The following GALNT17 variants were observed in gnomAD, a reference collection of about 807,000 sequenced individuals.
GALNT17 encodes UDP-GalNAc:polypeptide N-acetylgalactosaminyltransferase-like 3.
A neutral mutation model predicts 63.7 loss-of-function variants in GALNT17; 29 were observed. The ratio of observed to expected loss-of-function variants is 0.46; its 90% CI spans 0.34 to 0.62. GALNT17 has a LOEUF of 0.62. GALNT17 is among the 20% of genes least tolerant of loss of function. The pLI is 0.01. For synonymous variants in GALNT17, 305 were observed against 318.3 expected, an observed-to-expected ratio of 0.96 and a Z score of 0.45; for missense variants, 603 against 799.6, an observed-to-expected ratio of 0.75 and a Z score of 2.97.
intron 5 of GALNT17, among the ~76,000 whole-genome samples, chr7:71,523,305 T>G (rs62459904): frequency 2.0e-5 from 3 of 151,982 alleles, no homozygotes; most frequent in South Asian, 2.1e-4. Context: ...GGCGCACGCC[T>G]GTGGCCCCAG....
chr7:71,153,127 TAGAC>T (rs1788163756), intron 1 of GALNT17, among the ~76,000 whole-genome samples: 5 of 148,646 alleles, frequency 3.4e-5, no homozygotes, highest in African/African-American at 1.3e-4. Context: ...GCTTTGGAGT[TAGAC>T]AGAAGGAATC....
chr7:71,225,928 CAGTA>C (rs1422717043), intron 1 of GALNT17, among the ~76,000 whole-genome samples: 1 of 152,032 alleles, frequency 6.6e-6, no homozygotes, highest in Non-Finnish European at 1.5e-5. Context: ...AGTTATATCA[CAGTA>C]AGTAAAGTAT....
chr7:71,701,857 A>ATATATATGTG (rs1480556093), intron 9 of GALNT17, among the ~76,000 whole-genome samples: 2 of 17,562 alleles, frequency 1.1e-4, no homozygotes, highest in Non-Finnish European at 3.0e-4. Context: ...ATATATATAC[A>ATATATATGTG]CATATATATA....
chr7:71,352,682 G>C (rs1355557478), intron 2 of GALNT17, among the ~76,000 whole-genome samples: 1 of 152,206 alleles, frequency 6.6e-6, no homozygotes, highest in African/African-American at 2.4e-5. Flanking sequence ...TCAAAGCTGA[G>C]ATCACTAAGG....
rs190420033 is a variant in GALNT17, at chr7:71,176,895, A to C, written c.238+43855A>C. 5.3e-5 allele frequency among the ~76,000 whole-genome samples: 8 copies of C among 152,318 alleles called. No homozygotes were observed. The East Asian group carries it at 1.5e-3, about 29-fold the overall frequency. ...CACTTACGGTATGCTGGAACCTAAAAGAATTTGAATGTGCATTAAATGCCA... is the reference window on the plus strand; with the variant it reads ...CACTTACGGTATGCTGGAACCTAAACGAATTTGAATGTGCATTAAATGCCA... On this transcript the variant is annotated intron_variant, in intron 1 of 10. Coordinates refer to ENST00000333538, the MANE Select transcript of GALNT17 (RefSeq NM_022479.3).
chr7:71,388,516 G>T, intron 3 of GALNT17, 115 bp downstream of exon 3: 1 of 1,286,680 alleles, frequency 7.8e-7, no homozygotes. Flanking sequence ...CATATCTGGG[G>T]AAGGGATATT....
intron 1 of GALNT17, among the ~76,000 whole-genome samples, chr7:71,283,578 T>C (rs1163379671): frequency 6.6e-6 from 1 of 152,200 alleles, no homozygotes; most frequent in African/African-American, 2.4e-5. Context: ...TTCCAGATGA[T>C]ATGGTTTGGC....
chr7:71,648,451 A>G (rs1448063506), intron 6 of GALNT17, among the ~76,000 whole-genome samples: 1 of 151,780 alleles, frequency 6.6e-6, no homozygotes, highest in African/African-American at 2.4e-5. Context: ...TTTTAAAAAG[A>G]TTTTTGTAGA....
chr7:71,453,170 G>C (rs1440113235), intron 5 of GALNT17, among the ~76,000 whole-genome samples: 1 of 152,140 alleles, frequency 6.6e-6, no homozygotes, highest in Non-Finnish European at 1.5e-5. Flanking sequence ...GTTGCGAGTG[G>C]CTGCCTGGGT....
intron 5 of GALNT17, among the ~76,000 whole-genome samples, chr7:71,508,633 A>C (rs1788303965): frequency 6.6e-6 from 1 of 152,092 alleles, no homozygotes; most frequent in Non-Finnish European, 1.5e-5. Context: ...AGATGATTGC[A>C]GGTCCTCGCC....
At chr7:71,461,059 A>C (rs1787443197) in intron 5 of GALNT17, among the ~76,000 whole-genome samples, 2 of 152,176 alleles carry the variant, frequency 1.3e-5, no homozygotes, top group Non-Finnish European at 2.9e-5. Context: ...TTCAAGATGG[A>C]GCCGCTCTAG....
chr7:71,219,305 G>A (rs7788558), intron 1 of GALNT17, among the ~76,000 whole-genome samples: 83,032 of 151,824 alleles, frequency 0.55, 23,900 homozygotes, highest in African/African-American at 0.72. Flanking sequence ...CCAAGAACCA[G>A]CCTCATTCTA....
At chr7:71,336,384 C>T (rs1055654542) in intron 2 of GALNT17, among the ~76,000 whole-genome samples, 3 of 152,080 alleles carry the variant, frequency 2.0e-5, no homozygotes, top group African/African-American at 7.2e-5. Context: ...TTCAGGGGAA[C>T]ATGTGTAGGT....
chr7:71,564,787 G>A (rs530373868), intron 5 of GALNT17, among the ~76,000 whole-genome samples: 6 of 152,276 alleles, frequency 3.9e-5, no homozygotes, highest in Non-Finnish European at 8.8e-5. Flanking sequence ...TTTGAAGGAA[G>A]ACATACCAAA....
At chr7:71,657,826 G>A (rs1158430515) in intron 6 of GALNT17, among the ~76,000 whole-genome samples, 1 of 152,036 alleles carries the variant, frequency 6.6e-6, no homozygotes, top group Non-Finnish European at 1.5e-5. Flanking sequence ...TGGGATCCAG[G>A]TGTTTGCAAT....
intron 1 of GALNT17, among the ~76,000 whole-genome samples, chr7:71,151,638 A>G (rs547636327): frequency 5.3e-5 from 8 of 151,688 alleles, no homozygotes; most frequent in Middle Eastern, 3.4e-3. Context: ...GAAAAGAAAA[A>G]AAAAAAAAAG....
At chr7:71,217,150 T>G (rs1333357650) in intron 1 of GALNT17, among the ~76,000 whole-genome samples, 23 of 149,234 alleles carry the variant, frequency 1.5e-4, no homozygotes, top group East Asian at 7.8e-4. Context: ...GTTTTGTTTT[T>G]TTTTTTTTTT....
intron 4 of GALNT17, among the ~76,000 whole-genome samples, chr7:71,417,113 T>A (rs1332615225): frequency 6.6e-6 from 1 of 152,100 alleles, no homozygotes. Flanking sequence ...AGAAGCAGAG[T>A]CTTGTATTTC....
chr7:71,629,231 G>A (rs894077693), intron 6 of GALNT17, among the ~76,000 whole-genome samples: 4 of 152,102 alleles, frequency 2.6e-5, no homozygotes, highest in African/African-American at 9.7e-5. Flanking sequence ...CAGAGGAATA[G>A]GGGAGGCCAG....
Sources: gnomAD v4.1 joint callset for allele counts (sites outside exome capture counted in the v4.1 genomes callset) on GRCh38, gnomAD v4.1.1 for gene constraint, MANE v1.5 for transcripts, NCBI Gene and HGNC (gene_info 2026-07-23, HGNC 2026-07-21) for gene names.